ZNF560: variants seen among roughly 807,000 people sequenced by gnomAD.
The protein encoded by ZNF560 is zinc finger protein 560.
ZNF560 carries 54 observed loss-of-function variants against 81.8 expected under a neutral mutation model. The ratio of observed to expected loss-of-function variants is 0.66; its 90% confidence interval spans 0.53 to 0.83. The LOEUF (loss-of-function observed/expected upper bound fraction) is 0.83, where lower values mean the gene tolerates loss of function less well. Ranked by LOEUF, ZNF560 falls within the 40% of genes least tolerant of loss-of-function variation. The pLI is 0.00. For synonymous variants in ZNF560, 321 were observed against 317.9 expected (o/e 1.01, Z -0.10); for missense variants, 940 against 932.4 (o/e 1.01, Z -0.11).
rs369518686 is a variant in ZNF560, at chr19:9,469,627, C to T, written c.529+3G>A. On this transcript the variant is annotated splice_donor_region_variant and intron_variant, in intron 8 of 9. Transcript: ENST00000301480. ...ACCAGGGTTGTTCTTCACAAACACT[C>T]ACCTTGGAGAACTCTTGGCAGTGTG... The T allele has an allele frequency of 2.2e-5, 35 of 1,613,868 alleles. No individual in the cohort carries two copies. The highest frequency in any genetic ancestry group is 2.9e-5 in the Non-Finnish European group (34 of 1,179,866).
chr19:9,463,759 T>C (rs1009877564), downstream of ZNF560, among the ~76,000 whole-genome samples: 3 of 152,212 alleles, frequency 2.0e-5, no homozygotes, highest in Non-Finnish European at 4.4e-5. Context: ...CTGAGCTCAC[T>C]GCAGCCATGA....
At position 9,466,612 on chromosome 19, in the gene ZNF560, A is replaced by C. The variant is rs753224746; in HGVS notation, c.2335T>G (p.Ser779Ala). 8 of 1,608,416 alleles carry C rather than the reference A, an allele frequency of 5.0e-6. No homozygotes were observed. The highest frequency in any genetic ancestry group is 1.1e-5 in the South Asian group (1 of 90,392). Reference protein sequence around the residue: ...ECDQCGKAFASFSARIAHLKT... With the variant: ...ECDQCGKAFAAFSARIAHLKT... Reference sequence around the variant, plus strand: ...AAATGTGCAATACGAGCTGAGAAAGAAGCAAAGGCTTTCCCACACTGGTCA... The same window carrying C: ...AAATGTGCAATACGAGCTGAGAAAGCAGCAAAGGCTTTCCCACACTGGTCA... The change falls in exon 10 of 10, where the codon TCT (serine) becomes GCT (alanine). Residue 779 changes from serine (S) to alanine (A), a missense_variant. Ser to Ala is a moderately conservative substitution (Grantham distance 99). Transcript: ENST00000301480.
chr19:9,449,974 C>CAAAAAAAAA, the ZNF560 span, among the ~76,000 whole-genome samples: 1 of 43,376 alleles, frequency 2.3e-5, no homozygotes, highest in African/African-American at 7.2e-5. Context: ...AACTCTGTCT[C>CAAAAAAAAA]AAAAAAAAAA....
At chr19:9,493,215 C>T (rs1331612531) in intron 2 of ZNF560, among the ~76,000 whole-genome samples, 2 of 151,468 alleles carry the variant, frequency 1.3e-5, no homozygotes, top group Admixed American at 1.3e-4. Context: ...AGGTTTGAGT[C>T]ACTCCATCAG....
intron 9 of ZNF560, 27 bp downstream of exon 9, chr19:9,469,078 A>G (rs767794968): frequency 3.5e-5 from 54 of 1,527,716 alleles, no homozygotes; most frequent in Non-Finnish European, 4.4e-5. Flanking sequence ...AATGTGAAAA[A>G]TAAGAAAGTT....
the ZNF560 span, among the ~76,000 whole-genome samples, chr19:9,456,449 G>A: frequency 2.6e-5 from 4 of 152,166 alleles, no homozygotes; most frequent in African/African-American, 9.7e-5. Flanking sequence ...CCGTATGTGG[G>A]ACTAGGAAAA....
chr19:9,476,513 A>C (rs1336171031), intron 2 of ZNF560, among the ~76,000 whole-genome samples: 2 of 152,056 alleles, frequency 1.3e-5, no homozygotes, highest in African/African-American at 4.8e-5. Context: ...GCTGGTCTCG[A>C]ACTCCTGACC....
the ZNF560 span, among the ~76,000 whole-genome samples, chr19:9,459,709 G>A: frequency 6.6e-6 from 1 of 152,042 alleles, no homozygotes; most frequent in African/African-American, 2.4e-5. Context: ...AGGATGTGGG[G>A]GTAGAAAGGT....
the ZNF560 span, among the ~76,000 whole-genome samples, chr19:9,447,004 C>T: frequency 1.6e-4 from 24 of 151,840 alleles, no homozygotes; most frequent in Middle Eastern, 3.2e-3. Flanking sequence ...CATGGTGGCG[C>T]GTGCCTATAG....
Position 9,470,458 on chromosome 19 carries a change from C to T in ZNF560, c.382G>A (p.Asp128Asn). The T allele has an allele frequency of 6.2e-7, 1 of 1,614,128 alleles. No homozygotes were observed. The highest frequency in any genetic ancestry group is 8.5e-7 in the Non-Finnish European group (1 of 1,180,026). The change falls in exon 7 of 10, where the codon GAC (aspartate) becomes AAC (asparagine). Residue 128 changes from aspartate (D) to asparagine (N), a missense_variant. Physicochemically the swap from Asp to Asn is conservative, Grantham distance 23. Coordinates refer to ENST00000301480, the MANE Select transcript of ZNF560 (RefSeq NM_152476.3). Reference sequence around the variant, plus strand: ...CTGTACAGGTTTCTCTGAGCTGGGTCCAGTAAAGTCCACTCTTCCTGGGTG... The same window carrying T: ...CTGTACAGGTTTCTCTGAGCTGGGTTCAGTAAAGTCCACTCTTCCTGGGTG... ...EFTQEEWTLL[D>N]PAQRNLYSDV...
chr19:9,466,597 T>G lies in ZNF560; in HGVS notation c.2350A>C (p.Ile784Leu). The G allele has an allele frequency of 6.2e-7, 1 of 1,605,072 alleles. No homozygotes were observed. ...GKAFASFSAR[I>L]AHLKTH ...CTCTAGTGTGTTTTCAAATGTGCAA[T>G]ACGAGCTGAGAAAGAAGCAAAGGCT... Residue 784 changes from isoleucine (I) to leucine (L), a missense_variant, in exon 10 of 10, where the codon ATT becomes CTT. Transcript: ENST00000301480.
At chr19:9,473,475 G>A (rs1320981244) in intron 4 of ZNF560, among the ~76,000 whole-genome samples, 4 of 152,052 alleles carry the variant, frequency 2.6e-5, no homozygotes, top group African/African-American at 9.7e-5. Context: ...CTACTTGGGG[G>A]GCTGAGACAG....
At chr19:9,490,453 T>C (rs939093379) in intron 2 of ZNF560, among the ~76,000 whole-genome samples, 1 of 152,208 alleles carries the variant, frequency 6.6e-6, no homozygotes, top group African/African-American at 2.4e-5. Context: ...AGATTATTGG[T>C]GTTAGCAAAC....
downstream of ZNF560, among the ~76,000 whole-genome samples, chr19:9,463,583 T>G (rs565344861): frequency 5.9e-4 from 90 of 152,324 alleles, 1 homozygote; most frequent in African/African-American, 2.1e-3. Context: ...CAAAGATGGG[T>G]TAAAATAATC....
chr19:9,451,901 C>T, the ZNF560 span, among the ~76,000 whole-genome samples: 5 of 151,960 alleles, frequency 3.3e-5, no homozygotes, highest in Non-Finnish European at 7.4e-5. Flanking sequence ...ATGGTGAAAC[C>T]CCCATCTCTA....
the ZNF560 span, among the ~76,000 whole-genome samples, chr19:9,450,773 G>C: frequency 6.6e-6 from 1 of 151,986 alleles, no homozygotes; most frequent in African/African-American, 2.4e-5. Context: ...CAAGTGACCA[G>C]TCTGCCTCAG....
At chr19:9,448,946 T>A in the ZNF560 span, among the ~76,000 whole-genome samples, 1 of 152,222 alleles carries the variant, frequency 6.6e-6, no homozygotes, top group Non-Finnish European at 1.5e-5. Flanking sequence ...GAGCACTATA[T>A]AATGATAAAG....
chr19:9,472,667 T>C (rs1487389433), intron 5 of ZNF560, among the ~76,000 whole-genome samples: 1 of 152,308 alleles, frequency 6.6e-6, no homozygotes, highest in Non-Finnish European at 1.5e-5. Flanking sequence ...TACATTATGG[T>C]AGAATTGTAT....
upstream of ZNF560, among the ~76,000 whole-genome samples, chr19:9,501,347 G>A (rs2073631589): frequency 6.8e-6 from 1 of 148,002 alleles, no homozygotes; most frequent in South Asian, 2.2e-4. Flanking sequence ...GTGTGTGTGT[G>A]TGTGTGTGTG....
Sources: allele counts gnomAD v4.1 joint callset (sites outside exome capture counted in the v4.1 genomes callset), GRCh38; gene constraint gnomAD v4.1.1; transcripts MANE v1.5; gene names NCBI Gene and HGNC (gene_info 2026-07-23, HGNC 2026-07-21).